Variants in DLGAP1 observed in about 807,000 individuals in gnomAD.
The protein encoded by DLGAP1 is disks large-associated protein 1.
A neutral mutation model predicts 90.8 loss-of-function variants in DLGAP1; 11 were observed. That is an observed-to-expected ratio of 0.12 (90% confidence interval 0.08 to 0.20). The LOEUF is 0.20. Among genes scored for constraint, DLGAP1 ranks in the 10% least tolerant of loss-of-function variants. DLGAP1 has a pLI of 1.00. For synonymous variants in DLGAP1, 558 were observed against 540.7 expected (o/e 1.03, Z -0.44); for missense variants, 1,050 against 1,333.8 (o/e 0.79, Z 3.31).
intron 1 of DLGAP1, among the ~76,000 whole-genome samples, chr18:4,269,354 A>ATTTTTTTTTT (rs202021108): frequency 2.3e-5 from 3 of 132,124 alleles, no homozygotes; most frequent in Non-Finnish European, 3.2e-5. Context: ...ATATATATAT[A>ATTTTTTTTTT]TTTTTTTTTT....
At chr18:3,684,141 A>G (rs1363054245) in intron 7 of DLGAP1, among the ~76,000 whole-genome samples, 1 of 149,832 alleles carries the variant, frequency 6.7e-6, no homozygotes, top group Non-Finnish European at 1.5e-5. Context: ...TTAAAGTACC[A>G]TATATTTATA....
At chr18:3,534,657 C>T (rs775029158) in intron 9 of DLGAP1, 42 bp from the exon 10 acceptor site, 4 of 1,371,402 alleles carry the variant, frequency 2.9e-6, no homozygotes, top group East Asian at 4.8e-5. Flanking sequence ...GAGGATATTT[C>T]TTTCTTTCCT....
chr18:4,253,615 G>T (rs1415661746), intron 1 of DLGAP1, among the ~76,000 whole-genome samples: 1 of 151,958 alleles, frequency 6.6e-6, no homozygotes, highest in African/African-American at 2.4e-5. Context: ...TCACCATGTT[G>T]CCCAGGCTGT....
At chr18:3,946,313 G>A (rs770130553) in intron 3 of DLGAP1, among the ~76,000 whole-genome samples, 2 of 152,152 alleles carry the variant, frequency 1.3e-5, no homozygotes, top group African/African-American at 2.4e-5. Context: ...ATGAAGTATA[G>A]GGACTGTAGC....
At chr18:4,423,227 T>C (rs752541427) in intron 1 of DLGAP1, among the ~76,000 whole-genome samples, 32 of 152,228 alleles carry the variant, frequency 2.1e-4, no homozygotes, top group Middle Eastern at 6.8e-3. Context: ...AATGGATTAA[T>C]CAAAAAATGT....
intron 1 of DLGAP1, chr18:4,281,131 T>C (rs997645636): frequency 1.3e-5 from 2 of 152,228 alleles, no homozygotes; most frequent in African/African-American, 2.4e-5. Context: ...ACTTGTTGAG[T>C]ACTAACATTT....
At chr18:3,726,108 G>A (rs1165462124) in intron 7 of DLGAP1, among the ~76,000 whole-genome samples, 1 of 152,154 alleles carries the variant, frequency 6.6e-6, no homozygotes, top group African/African-American at 2.4e-5. Flanking sequence ...AGGACAAAGG[G>A]TAAGTTTAGG....
At position 3,496,861 on chromosome 18, in the gene DLGAP1, C is replaced by T. The variant is rs1333434045; in HGVS notation, c.*2324G>A. 1 of 152,090 alleles carries T rather than the reference C, an allele frequency of 6.6e-6. No homozygotes were observed. The highest frequency in any genetic ancestry group is 2.4e-5 in the African/African-American group (1 of 41,398). The allele number at this position is 152,090 out of a possible 1,614,324, so 9.4% of individuals were successfully genotyped here. A position where few individuals can be genotyped will look rare whatever the true frequency, so the allele number is the denominator to read the frequency against. On this transcript the variant is annotated 3_prime_UTR_variant, in exon 13 of 13. Coordinates refer to ENST00000315677, the MANE Select transcript of DLGAP1 (RefSeq NM_004746.4). ...GGCAAAGATCATGATGCCCTGTAGG[C>T]CTTGAGCTAAAAGATTTAAAATTCT...
At chr18:3,540,338 G>A (rs1568159288) in intron 9 of DLGAP1, among the ~76,000 whole-genome samples, 1 of 151,660 alleles carries the variant, frequency 6.6e-6, no homozygotes, top group Non-Finnish European at 1.5e-5. Context: ...ATGGTGGTAC[G>A]TGGCTATAGT....
intron 8 of DLGAP1, chr18:3,580,872 A>G: frequency 9.5e-7 from 1 of 1,052,718 alleles, no homozygotes; most frequent in South Asian, 1.4e-5. Context: ...GGCCGGTTGT[A>G]CCCTGCAGTA....
chr18:4,074,180 C>T (rs2075491429), intron 2 of DLGAP1, among the ~76,000 whole-genome samples: 2 of 152,110 alleles, frequency 1.3e-5, no homozygotes, highest in South Asian at 4.1e-4. Flanking sequence ...TAAATGGATT[C>T]TAGACTTAGT....
At chr18:4,102,872 C>A (rs1406211993) in intron 2 of DLGAP1, among the ~76,000 whole-genome samples, 1 of 151,946 alleles carries the variant, frequency 6.6e-6, no homozygotes, top group African/African-American at 2.4e-5. Context: ...TAACTTTATT[C>A]TTTGTGTTAG....
At chr18:3,752,243 T>C (rs1243306199) in intron 5 of DLGAP1, among the ~76,000 whole-genome samples, 1 of 152,162 alleles carries the variant, frequency 6.6e-6, no homozygotes, top group Non-Finnish European at 1.5e-5. Flanking sequence ...CCTTTTAAAG[T>C]GTGTACTTCA....
At chr18:3,995,440 G>A (rs2074049185) in intron 3 of DLGAP1, 1 of 152,080 alleles carries the variant, frequency 6.6e-6, no homozygotes, top group African/African-American at 2.4e-5. Flanking sequence ...TCTTCTTCGG[G>A]ACAGAAAATT....
intron 7 of DLGAP1, chr18:3,604,405 G>A (rs1264933272): frequency 6.6e-6 from 1 of 151,780 alleles, no homozygotes; most frequent in Non-Finnish European, 1.5e-5. Context: ...GTTTTTCTTG[G>A]GATGTACTTC....
chr18:3,518,857 C>A (rs763810142), intron 10 of DLGAP1, among the ~76,000 whole-genome samples: 3 of 152,178 alleles, frequency 2.0e-5, no homozygotes, highest in Non-Finnish European at 2.9e-5. Context: ...GACATGATTT[C>A]TCCTGCAAAT....
intron 1 of DLGAP1, among the ~76,000 whole-genome samples, chr18:4,279,450 GCTC>G (rs2079497862): frequency 6.6e-6 from 1 of 152,128 alleles, no homozygotes; most frequent in African/African-American, 2.4e-5. Context: ...AAGTAATAAA[GCTC>G]CTGCTTCTTT....
intron 7 of DLGAP1, among the ~76,000 whole-genome samples, chr18:3,689,650 G>A (rs2060825137): frequency 1.3e-5 from 2 of 152,152 alleles, no homozygotes; most frequent in South Asian, 2.1e-4. Context: ...ATTTCCATGT[G>A]TCTAGGTCTA....
chr18:4,199,116 A>C (rs1245137012), intron 1 of DLGAP1, among the ~76,000 whole-genome samples: 1 of 152,182 alleles, frequency 6.6e-6, no homozygotes, highest in Non-Finnish European at 1.5e-5. Flanking sequence ...GCAAGTGTGA[A>C]ATTGGAAAAG....
Sources: gnomAD v4.1 joint callset for allele counts (sites outside exome capture counted in the v4.1 genomes callset) on GRCh38, gnomAD v4.1.1 for gene constraint, MANE v1.5 for transcripts, NCBI Gene and HGNC (gene_info 2026-07-23, HGNC 2026-07-21) for gene names.